Variants in PPP2R2B observed in about 807,000 individuals in gnomAD.
PPP2R2B encodes protein phosphatase 2 regulatory subunit Bbeta, also known as serine/threonine-protein phosphatase 2A 55 kDa regulatory subunit B beta isoform.
PPP2R2B carries 5 observed loss-of-function variants against 46.0 expected under a neutral mutation model. The observed-to-expected ratio is 0.11, with a 90% CI of 0.06 to 0.23. The LOEUF is 0.23. Ranked by LOEUF, PPP2R2B falls within the 10% of genes least tolerant of loss-of-function variation. PPP2R2B has a pLI of 1.00. For missense variants in PPP2R2B, 367 were observed against 575.0 expected (o/e 0.64, Z 3.70); for synonymous variants, 215 against 206.7 (o/e 1.04, Z -0.34).
At chr5:146,594,817 GAGA>G (rs1771005975) in intron 8 of PPP2R2B, among the ~76,000 whole-genome samples, 2 of 152,196 alleles carry the variant, frequency 1.3e-5, no homozygotes, top group African/African-American at 4.8e-5. Flanking sequence ...GAGGCTGAGA[GAGA>G]AGGAGATAGA....
intron 1 of PPP2R2B, among the ~76,000 whole-genome samples, chr5:146,968,183 C>A (rs1290748710): frequency 6.6e-6 from 1 of 152,326 alleles, no homozygotes; most frequent in South Asian, 2.1e-4. Flanking sequence ...CAAAGTCATT[C>A]CACATTCCAT....
At position 146,824,302 on chromosome 5, in the gene PPP2R2B, G is replaced by C. The variant is rs564247680; in HGVS notation, c.70+53700C>G. On this transcript the variant is annotated intron_variant, in intron 2 of 9. Transcript: ENST00000394411. ...GATTCATGACATGGAAAGAATCACA[G>C]GGAAGATGTTCACATTGGTAGTGAG... Among the ~76,000 whole-genome samples, 71 of 150,272 alleles carry C rather than the reference G, an allele frequency of 4.7e-4. 1 individual carries two copies. The highest frequency in any genetic ancestry group is 1.8e-3 in the African/African-American group (71 of 40,294).
intron 5 of PPP2R2B, among the ~76,000 whole-genome samples, chr5:146,663,762 T>C (rs1242617818): frequency 6.6e-6 from 1 of 152,198 alleles, no homozygotes; most frequent in Non-Finnish European, 1.5e-5. Context: ...TGACTCAATG[T>C]TGATGGATGC....
intron 2 of PPP2R2B, among the ~76,000 whole-genome samples, chr5:146,812,538 A>G: frequency 4.7e-5 from 1 of 21,368 alleles, no homozygotes; most frequent in Admixed American, 6.1e-4. Flanking sequence ...CTATCACTAG[A>G]GTTACTTAGT....
At chr5:146,923,193 A>C (rs1763667827) in intron 1 of PPP2R2B, among the ~76,000 whole-genome samples, 1 of 152,208 alleles carries the variant, frequency 6.6e-6, no homozygotes, top group African/African-American at 2.4e-5. Flanking sequence ...CAATATATCT[A>C]GGTGACAACT....
intron 5 of PPP2R2B, among the ~76,000 whole-genome samples, chr5:146,661,469 ATATC>A: frequency 6.6e-6 from 1 of 152,220 alleles, no homozygotes; most frequent in African/African-American, 2.4e-5. Context: ...AATATATAAA[ATATC>A]TATGTTTAAT....
Position 147,007,180 on chromosome 5 carries a change from G to A in PPP2R2B, c.79+48485C>T, listed in dbSNP as rs575460319. Among the ~76,000 whole-genome samples, 81 of 152,206 alleles carry A rather than the reference G, an allele frequency of 5.3e-4. 1 individual carries two copies. The highest frequency in any genetic ancestry group is 1.9e-3 in the African/African-American group (77 of 41,540). ...TGACCTAAAGAGTTCCCATCCGGAG[G>A]ACACTACAACTGCAGGGCCCCTTCT... On this transcript the variant is annotated intron_variant, in intron 1 of 8. Coordinates refer to the PPP2R2B transcript ENST00000336640.
chr5:146,704,913 C>A (rs761903364), intron 2 of PPP2R2B, among the ~76,000 whole-genome samples: 1 of 152,156 alleles, frequency 6.6e-6, no homozygotes, highest in Non-Finnish European at 1.5e-5. Context: ...CTTGCAGTAT[C>A]ATGCTAGGCT....
intron 2 of PPP2R2B, among the ~76,000 whole-genome samples, chr5:146,831,607 G>C (rs535992759): frequency 2.7e-5 from 4 of 150,768 alleles, no homozygotes; most frequent in Non-Finnish European, 5.9e-5. Flanking sequence ...CATGTACCTC[G>C]GAACTTAAAA....
intron 5 of PPP2R2B, among the ~76,000 whole-genome samples, chr5:146,657,036 G>T (rs1280209621): frequency 6.6e-6 from 1 of 152,240 alleles, no homozygotes; most frequent in African/African-American, 2.4e-5. Context: ...GACCACACCA[G>T]CGATTCTTCA....
intron 1 of PPP2R2B, among the ~76,000 whole-genome samples, chr5:146,984,248 TC>T (rs1443097816): frequency 6.6e-6 from 1 of 152,182 alleles, no homozygotes; most frequent in Non-Finnish European, 1.5e-5. Flanking sequence ...ATCTTCTCAT[TC>T]CTCCAACCTC....
At chr5:146,957,252 C>G (rs1174095480) in intron 1 of PPP2R2B, among the ~76,000 whole-genome samples, 1 of 152,150 alleles carries the variant, frequency 6.6e-6, no homozygotes, top group East Asian at 1.9e-4. Flanking sequence ...ATTCTATGCC[C>G]AGCAATTCTG....
intron 2 of PPP2R2B, among the ~76,000 whole-genome samples, chr5:146,727,923 T>C (rs1193814426): frequency 3.9e-5 from 6 of 152,082 alleles, no homozygotes; most frequent in East Asian, 1.9e-4. Flanking sequence ...TTTATACTTC[T>C]ATGAGTTTGA....
At chr5:146,762,583 C>G (rs981951368) in intron 2 of PPP2R2B, among the ~76,000 whole-genome samples, 1 of 152,172 alleles carries the variant, frequency 6.6e-6, no homozygotes, top group Admixed American at 6.5e-5. Flanking sequence ...TATCTACATA[C>G]TCTTTGGGAA....
intron 2 of PPP2R2B, among the ~76,000 whole-genome samples, chr5:146,790,440 A>T (rs1756123867): frequency 6.6e-6 from 1 of 152,200 alleles, no homozygotes; most frequent in Non-Finnish European, 1.5e-5. Context: ...TGATTTAATG[A>T]GGGAACATGC....
intron 2 of PPP2R2B, 121 bp downstream of exon 2, chr5:146,877,881 C>A (rs1327194787): frequency 3.0e-5 from 36 of 1,216,862 alleles, no homozygotes; most frequent in Non-Finnish European, 4.1e-5. Context: ...CAGCCGAGCC[C>A]CCGCCCCAGC....
At chr5:147,048,930 C>T (rs1192117436) in intron 1 of PPP2R2B, among the ~76,000 whole-genome samples, 1 of 152,038 alleles carries the variant, frequency 6.6e-6, no homozygotes, top group African/African-American at 2.4e-5. Context: ...GCTTTCATGT[C>T]ACTTATATTC....
Position 146,704,357 on chromosome 5 carries a change from G to A in PPP2R2B, c.71-3215C>T, listed in dbSNP as rs111870052. Among the ~76,000 whole-genome samples the A allele has an allele frequency of 6.2e-3, 939 of 152,278 alleles. 12 individuals carry two copies. Among genetic ancestry groups the A allele is most frequent in the African/African-American group, 0.021 (893 of 41,576 alleles). On this transcript the variant is annotated intron_variant, in intron 2 of 9. Coordinates refer to ENST00000394411, the MANE Select transcript of PPP2R2B (RefSeq NM_181675.4). ...AGGTAGCAAGTTTAGAGATAATAACGTCATTTGAAATCATGATCCACAGAA... is the reference window on the plus strand; with the variant it reads ...AGGTAGCAAGTTTAGAGATAATAACATCATTTGAAATCATGATCCACAGAA...
chr5:146,965,732 A>C (rs1752371443), intron 1 of PPP2R2B, among the ~76,000 whole-genome samples: 1 of 152,220 alleles, frequency 6.6e-6, no homozygotes, highest in South Asian at 2.1e-4. Context: ...TATCAGAGAT[A>C]ATTTACTTTG....
Sources: gnomAD v4.1 joint callset for allele counts (sites outside exome capture counted in the v4.1 genomes callset) on GRCh38, gnomAD v4.1.1 for gene constraint, MANE v1.5 for transcripts, NCBI Gene and HGNC (gene_info 2026-07-23, HGNC 2026-07-21) for gene names.